Variants in MAF observed in about 807,000 individuals in gnomAD.
The protein encoded by MAF is transcription factor Maf.
A neutral mutation model predicts 22.0 loss-of-function variants in MAF; 10 were observed. The observed-to-expected ratio is 0.45, with a 90% CI of 0.28 to 0.77. The LOEUF (loss-of-function observed/expected upper bound fraction) is 0.77. Among genes scored for constraint, MAF ranks in the 30% least tolerant of loss-of-function variants. The pLI, the probability that MAF is intolerant of heterozygous loss-of-function variation, is 0.12. For synonymous variants in MAF, 337 were observed against 255.8 expected, an observed-to-expected ratio of 1.32 and a Z score of -3.03; for missense variants, 544 against 548.4, an observed-to-expected ratio of 0.99 and a Z score of 0.08.
At chr16:79,439,214 C>T in the MAF span, among the ~76,000 whole-genome samples, 2 of 151,866 alleles carry the variant, frequency 1.3e-5, no homozygotes, top group African/African-American at 4.8e-5. Context: ...TGCACAAGTC[C>T]ACCTCTTTCA....
chr16:79,387,201 CA>C, the MAF span, among the ~76,000 whole-genome samples: 1 of 152,222 alleles, frequency 6.6e-6, no homozygotes, highest in Admixed American at 6.5e-5. Flanking sequence ...CCTTACTGAA[CA>C]GTGGTGCCCT....
At chr16:79,375,400 C>T in the MAF span, among the ~76,000 whole-genome samples, 1 of 152,180 alleles carries the variant, frequency 6.6e-6, no homozygotes, top group South Asian at 2.1e-4. Flanking sequence ...ACACAGACCT[C>T]ACTTCCCATA....
chr16:79,234,413 TAG>T, the MAF span, among the ~76,000 whole-genome samples: 1 of 152,180 alleles, frequency 6.6e-6, no homozygotes, highest in Non-Finnish European at 1.5e-5. Flanking sequence ...AATCACTTAA[TAG>T]AGTGTTCATT....
chr16:79,596,554 A>G, intron 1 of MAF: 1 of 1,049,548 alleles, frequency 9.5e-7, no homozygotes. Flanking sequence ...AAAGAAAAGC[A>G]CATAGGAACA....
the MAF span, among the ~76,000 whole-genome samples, chr16:79,474,271 T>A: frequency 6.6e-6 from 1 of 152,218 alleles, no homozygotes. Context: ...TGTATTCGCC[T>A]CTTTGGGGGA....
At chr16:79,341,318 T>C in the MAF span, among the ~76,000 whole-genome samples, 2 of 152,186 alleles carry the variant, frequency 1.3e-5, no homozygotes, top group Admixed American at 6.5e-5. Flanking sequence ...TGTATAGCGC[T>C]ATGGTGAGAA....
the MAF span, among the ~76,000 whole-genome samples, chr16:79,208,212 A>G: frequency 6.6e-6 from 1 of 152,214 alleles, no homozygotes; most frequent in East Asian, 1.9e-4. Context: ...TAGATCGGAA[A>G]TGGCATTCGG....
chr16:79,435,177 C>T, the MAF span, among the ~76,000 whole-genome samples: 62 of 152,266 alleles, frequency 4.1e-4, no homozygotes, highest in South Asian at 0.012. Flanking sequence ...CACGGACACA[C>T]GTCCATATAT....
chr16:79,318,881 G>C, the MAF span, among the ~76,000 whole-genome samples: 1 of 152,110 alleles, frequency 6.6e-6, no homozygotes, highest in Admixed American at 6.5e-5. Context: ...CAAAAGCTGT[G>C]GATTCCTCCT....
chr16:79,434,960 G>C, the MAF span, among the ~76,000 whole-genome samples: 1 of 152,110 alleles, frequency 6.6e-6, no homozygotes, highest in African/African-American at 2.4e-5. Context: ...TCTGCGACTG[G>C]TGATGAGATC....
At chr16:79,494,721 G>A in the MAF span, among the ~76,000 whole-genome samples, 29 of 152,098 alleles carry the variant, frequency 1.9e-4, no homozygotes, top group African/African-American at 6.8e-4. Context: ...CTGACTGAGT[G>A]TCCCGGTAAC....
the MAF span, among the ~76,000 whole-genome samples, chr16:79,270,823 C>T: frequency 6.6e-6 from 1 of 152,024 alleles, no homozygotes; most frequent in East Asian, 1.9e-4. Flanking sequence ...CTGACCACAA[C>T]CCTATACACA....
chr16:79,581,346 C>T (rs1483225238), downstream of MAF, among the ~76,000 whole-genome samples: 2 of 152,116 alleles, frequency 1.3e-5, no homozygotes, highest in African/African-American at 2.4e-5. Flanking sequence ...TAGACTCAGC[C>T]CTTTAATTAA....
the MAF span, among the ~76,000 whole-genome samples, chr16:79,244,379 A>G: frequency 6.6e-6 from 1 of 152,146 alleles, no homozygotes; most frequent in Non-Finnish European, 1.5e-5. Context: ...CTCAGCATAC[A>G]AAATCAATGT....
the MAF span, among the ~76,000 whole-genome samples, chr16:79,447,026 T>C: frequency 3.2e-4 from 49 of 152,272 alleles, no homozygotes; most frequent in South Asian, 9.8e-3. Flanking sequence ...ATATTATAAA[T>C]TGGGTGTATT....
At chr16:79,391,558 G>A in the MAF span, among the ~76,000 whole-genome samples, 1 of 152,166 alleles carries the variant, frequency 6.6e-6, no homozygotes, top group Non-Finnish European at 1.5e-5. Context: ...GAGGTTGGAA[G>A]AAACATCTGT....
At chr16:79,282,139 A>G in the MAF span, among the ~76,000 whole-genome samples, 1 of 152,084 alleles carries the variant, frequency 6.6e-6, no homozygotes, top group Non-Finnish European at 1.5e-5. Flanking sequence ...CGTCTCTACT[A>G]AAAATACAAA....
At chr16:79,404,249 C>T in the MAF span, among the ~76,000 whole-genome samples, 2 of 150,696 alleles carry the variant, frequency 1.3e-5, no homozygotes, top group East Asian at 1.9e-4. Flanking sequence ...CTGCAACCTC[C>T]GCCTCCCGGG....
chr16:79,327,404 A>G, the MAF span, among the ~76,000 whole-genome samples: 1 of 152,090 alleles, frequency 6.6e-6, no homozygotes, highest in South Asian at 2.1e-4. Context: ...TCTTTGATGT[A>G]CCTATTTTCT....
Sources: gnomAD v4.1 joint callset for allele counts (sites outside exome capture counted in the v4.1 genomes callset) on GRCh38, gnomAD v4.1.1 for gene constraint, MANE v1.5 for transcripts, NCBI Gene and HGNC (gene_info 2026-07-23, HGNC 2026-07-21) for gene names.